Variants in CLASP1 observed in about 807,000 individuals in gnomAD.
CLASP1 encodes cytoplasmic linker associated protein 1.
A neutral mutation model predicts 192.3 loss-of-function variants in CLASP1; 38 were observed. The observed-to-expected ratio is 0.20, with a 90% confidence interval of 0.15 to 0.26. CLASP1 has a LOEUF of 0.26. Ranked by LOEUF, CLASP1 falls within the 10% of genes least tolerant of loss-of-function variation. The pLI is 1.00. For missense variants in CLASP1, 1,433 were observed against 1,932.5 expected (o/e 0.74, Z 4.85); for synonymous variants, 691 against 712.8 (o/e 0.97, Z 0.49).
chr2:121,524,005 TCCCTTG>T (rs1165189531), intron 6 of CLASP1, among the ~76,000 whole-genome samples: 1 of 152,206 alleles, frequency 6.6e-6, no homozygotes. Flanking sequence ...CTAGACAACG[TCCCTTG>T]TTGTAGTTCT....
At chr2:121,488,919 G>GA (rs1369790445) in intron 8 of CLASP1, among the ~76,000 whole-genome samples, 2 of 152,140 alleles carry the variant, frequency 1.3e-5, no homozygotes, top group African/African-American at 4.8e-5. Context: ...CAGGCAATTT[G>GA]AAAAAATATA....
chr2:121,409,017 C>T (rs1231361605), intron 24 of CLASP1: 3 of 1,562,886 alleles, frequency 1.9e-6, no homozygotes, highest in Non-Finnish European at 2.6e-6. Context: ...AGTTAAAGGA[C>T]TGGTACCTTG....
At chr2:121,447,274 G>C (rs568028794) in intron 19 of CLASP1, 63 bp downstream of exon 19, 2 of 1,406,444 alleles carry the variant, frequency 1.4e-6, no homozygotes, top group Admixed American at 2.2e-5. Context: ...ATTTTGCTAA[G>C]AGGTTAAGAG....
chr2:121,465,870 A>T (rs2089465537), intron 9 of CLASP1, among the ~76,000 whole-genome samples: 1 of 152,204 alleles, frequency 6.6e-6, no homozygotes, highest in Non-Finnish European at 1.5e-5. Context: ...AACGCCGCAT[A>T]TCTACAACTA....
At chr2:121,418,687 C>T (rs566913049) in exon 23 of CLASP1, 2 of 1,613,870 alleles carry the variant, frequency 1.2e-6, no homozygotes, top group East Asian at 2.2e-5. Flanking sequence ...ATCGCGGCTG[C>T]ACCCCTGACT....
At chr2:121,628,271 A>G (rs2068760662) in intron 1 of CLASP1, among the ~76,000 whole-genome samples, 1 of 152,228 alleles carries the variant, frequency 6.6e-6, no homozygotes, top group African/African-American at 2.4e-5. Flanking sequence ...GATTGCTTCA[A>G]TATTTTTCCA....
At chr2:121,623,165 C>T (rs1305534914) in intron 1 of CLASP1, among the ~76,000 whole-genome samples, 3 of 152,140 alleles carry the variant, frequency 2.0e-5, no homozygotes, top group Non-Finnish European at 4.4e-5. Flanking sequence ...ATGATATTAG[C>T]TGTAGGTTTT....
intron 8 of CLASP1, among the ~76,000 whole-genome samples, chr2:121,495,988 T>C (rs1453742640): frequency 1.3e-5 from 2 of 152,146 alleles, no homozygotes; most frequent in Non-Finnish European, 2.9e-5. Flanking sequence ...CAAAATCCCA[T>C]AGCTAAAGCA....
At chr2:121,375,183 A>C (rs950617202) in intron 34 of CLASP1, among the ~76,000 whole-genome samples, 22 of 152,038 alleles carry the variant, frequency 1.4e-4, no homozygotes, top group African/African-American at 5.1e-4. Flanking sequence ...CTGGTTGTTT[A>C]AAAGTGTACA....
chr2:121,410,350 A>C (rs1416122883), intron 24 of CLASP1, among the ~76,000 whole-genome samples: 1 of 152,170 alleles, frequency 6.6e-6, no homozygotes, highest in African/African-American at 2.4e-5. Context: ...AACATATTCC[A>C]CCACTGCTTC....
chr2:121,377,420 C>T, intron 34 of CLASP1, 79 bp downstream of exon 35: 3 of 989,848 alleles, frequency 3.0e-6, no homozygotes, highest in Non-Finnish European at 4.5e-6. Context: ...GCTCAGTAAT[C>T]ATGATGGTCA....
At chr2:121,611,406 G>A (rs1284370882) in intron 1 of CLASP1, among the ~76,000 whole-genome samples, 1 of 142,796 alleles carries the variant, frequency 7.0e-6, no homozygotes, top group Non-Finnish European at 1.5e-5. Context: ...TGGAGGAGGA[G>A]GAGGAGTTAC....
chr2:121,545,477 GTC>G (rs2095311604), intron 2 of CLASP1, among the ~76,000 whole-genome samples: 1 of 152,034 alleles, frequency 6.6e-6, no homozygotes, highest in Admixed American at 6.6e-5. Context: ...TTATTCTAAA[GTC>G]TCCCTGACTC....
chr2:121,583,120 G>A (rs2061384892), intron 2 of CLASP1, among the ~76,000 whole-genome samples: 1 of 152,106 alleles, frequency 6.6e-6, no homozygotes, highest in African/African-American at 2.4e-5. Context: ...CGAATACCAA[G>A]CCAGTGCCCA....
chr2:121,342,425 A>G lies in CLASP1; in HGVS notation c.4531-1478T>C, dbSNP rs559285401. ...GAGCCACCGCACCTAGCCTTAGAAA[A>G]CATCTTGAGACAAATGAAAATGATA... On this transcript the variant is annotated intron_variant, in intron 39 of 39. Coordinates refer to ENST00000263710, the Ensembl canonical transcript of CLASP1. Among the ~76,000 whole-genome samples the G allele has an allele frequency of 2.0e-5, 3 of 152,250 alleles. No homozygotes were observed. In the South Asian group the frequency reaches 6.2e-4, roughly 32 times the overall value.
intron 1 of CLASP1, among the ~76,000 whole-genome samples, chr2:121,627,034 A>G (rs1295623933): frequency 7.3e-6 from 1 of 137,928 alleles, no homozygotes; most frequent in Non-Finnish European, 1.5e-5. Flanking sequence ...TTAGGAGAGT[A>G]ATTCAGCAAC....
intron 2 of CLASP1, among the ~76,000 whole-genome samples, chr2:121,542,185 G>A (rs1242070770): frequency 6.6e-6 from 1 of 152,160 alleles, no homozygotes; most frequent in African/African-American, 2.4e-5. Flanking sequence ...CTACTAATAT[G>A]CAGGGTTTTC....
intron 9 of CLASP1, among the ~76,000 whole-genome samples, chr2:121,466,205 T>G (rs1418880115): frequency 6.6e-6 from 1 of 152,184 alleles, no homozygotes; most frequent in East Asian, 1.9e-4. Flanking sequence ...AACATCACCT[T>G]TAAAATGGCT....
chr2:121,440,498 G>A (rs955673362), intron 19 of CLASP1, among the ~76,000 whole-genome samples: 4 of 152,130 alleles, frequency 2.6e-5, no homozygotes, highest in South Asian at 4.1e-4. Flanking sequence ...CCAGGAGTTC[G>A]AGACCATCCT....
Sources: allele counts gnomAD v4.1 joint callset (sites outside exome capture counted in the v4.1 genomes callset), GRCh38; gene constraint gnomAD v4.1.1; transcripts MANE v1.5; gene names NCBI Gene and HGNC (gene_info 2026-07-23, HGNC 2026-07-21).